PKP2: variants seen among roughly 807,000 people sequenced by gnomAD.
The protein encoded by PKP2 is plakophilin 2, also known as plakophilin-2.
A neutral mutation model predicts 83.4 loss-of-function variants in PKP2; 73 were observed. That is an observed-to-expected ratio of 0.88 (90% CI 0.72 to 1.06). The LOEUF (loss-of-function observed/expected upper bound fraction) is 1.06. PKP2 is among the 50% of genes least tolerant of loss of function. The probability of loss-of-function intolerance (pLI) is 0.00; values close to 1 mark genes in which losing one functional copy is unlikely to be tolerated. For missense variants in PKP2, 966 were observed against 1,065.4 expected, an observed-to-expected ratio of 0.91 and a Z score of 1.30; for synonymous variants, 409 against 430.4, an observed-to-expected ratio of 0.95 and a Z score of 0.62.
chr12:32,818,593 C>G (rs966514987), intron 9 of PKP2, among the ~76,000 whole-genome samples: 3 of 152,068 alleles, frequency 2.0e-5, no homozygotes, highest in African/African-American at 4.8e-5. Context: ...TTATTCCATC[C>G]TTTTGCTACT....
intron 4 of PKP2, among the ~76,000 whole-genome samples, 194 bp downstream of exon 4, chr12:32,868,733 A>G (rs1482748946): frequency 6.6e-6 from 1 of 151,816 alleles, no homozygotes; most frequent in African/African-American, 2.4e-5. Context: ...CATGTTGGCC[A>G]GGTTGGCCTC....
chr12:32,870,500 G>A (rs1341298972), intron 3 of PKP2, among the ~76,000 whole-genome samples: 2 of 150,078 alleles, frequency 1.3e-5, no homozygotes, highest in Non-Finnish European at 3.0e-5. Context: ...TGTGCCTCAT[G>A]AGTCAATTAT....
chr12:32,861,703 C>T (rs1956799648), intron 4 of PKP2, among the ~76,000 whole-genome samples: 1 of 151,986 alleles, frequency 6.6e-6, no homozygotes, highest in Non-Finnish European at 1.5e-5. Flanking sequence ...CTCCCAAGCA[C>T]AAAAAACTAA....
chr12:32,817,848 C>A (rs1355752111), intron 9 of PKP2, among the ~76,000 whole-genome samples: 1 of 152,190 alleles, frequency 6.6e-6, no homozygotes, highest in Non-Finnish European at 1.5e-5. Context: ...TAGGAACCCG[C>A]CGCACAGCAG....
At chr12:32,859,885 G>A (rs1956783496) in intron 4 of PKP2, among the ~76,000 whole-genome samples, 1 of 152,184 alleles carries the variant, frequency 6.6e-6, no homozygotes, top group Admixed American at 6.5e-5. Flanking sequence ...CCTTGTGGTA[G>A]TAATGGTACA....
intron 1 of PKP2, among the ~76,000 whole-genome samples, chr12:32,883,466 T>G (rs566730532): frequency 6.6e-6 from 1 of 152,326 alleles, no homozygotes; most frequent in East Asian, 1.9e-4. Context: ...GTTCAGAGAA[T>G]AAGATGATAT....
chr12:32,821,449 C>T lies in PKP2; in HGVS notation c.1920G>A (p.Arg640=), dbSNP rs760660042. The T allele has an allele frequency of 1.2e-6, 2 of 1,614,042 alleles. No individual in the cohort carries two copies. Among genetic ancestry groups the T allele is most frequent in the South Asian group, 2.2e-5 (2 of 91,068 alleles). The change falls in exon 9 of 13, where the codon AGG becomes AGA. Residue 640 remains arginine (R), a synonymous_variant. Coordinates refer to ENST00000340811, the MANE Select transcript of PKP2 (RefSeq NM_001005242.3). ...TTTTGGCGATCAAGGACAGATACAT[C>T]CTTATAACAATGGAATGCCACAGCC... ...VEWLWHSIVI[R]MYLSLIAKSV...
intron 1 of PKP2, among the ~76,000 whole-genome samples, chr12:32,879,831 C>CAA (rs79905789): frequency 1.9e-4 from 10 of 53,982 alleles, no homozygotes; most frequent in Middle Eastern, 0.012. Context: ...AACTCTGTCT[C>CAA]AAAAAAAAAA....
At chr12:32,869,840 T>C (rs1230889553) in intron 3 of PKP2, among the ~76,000 whole-genome samples, 1 of 152,054 alleles carries the variant, frequency 6.6e-6, no homozygotes, top group East Asian at 1.9e-4. Flanking sequence ...GGCAACATAG[T>C]GAGACCCTGT....
intron 1 of PKP2, among the ~76,000 whole-genome samples, chr12:32,892,823 G>GA (rs1408976330): frequency 1.6e-5 from 2 of 122,262 alleles, no homozygotes; most frequent in Non-Finnish European, 3.6e-5. Context: ...GGGGGCGGGG[G>GA]GGGGGGGAGA....
chr12:32,808,246 TTGTCTGCC>T (rs1392097508), intron 9 of PKP2, among the ~76,000 whole-genome samples: 2 of 152,180 alleles, frequency 1.3e-5, no homozygotes, highest in Non-Finnish European at 2.9e-5. Flanking sequence ...TTCTCTATTC[TTGTCTGCC>T]TGTCTTATTT....
rs757205704 is a variant in PKP2 at position 32,802,553 on chromosome 12, G to A, written c.2017C>T (p.Pro673Ser). Residue 673 changes from proline (P) to serine (S), a missense_variant, in exon 10 of 13, where the codon CCG becomes TCG. Pro to Ser is a moderately conservative substitution (Grantham distance 74). Transcript: ENST00000340811. ...ACAACTGTCTGAGCCACTGATGTCG[G>A]CATCTGTTTTGTGAGACATATCCTA... ...QNLTAGSGPM[P>S]TSVAQTVVQK... The A allele has an allele frequency of 1.2e-5, 20 of 1,613,614 alleles. No individual in the cohort carries two copies. Among genetic ancestry groups the A allele is most frequent in the African/African-American group, 1.3e-5 (1 of 74,904 alleles).
intron 1 of PKP2, among the ~76,000 whole-genome samples, chr12:32,881,576 A>G (rs1956986537): frequency 6.6e-6 from 1 of 152,198 alleles, no homozygotes; most frequent in Non-Finnish European, 1.5e-5. Context: ...AGAGAAATCA[A>G]GGACACATTA....
chr12:32,802,274 CG>C, intron 10 of PKP2, 128 bp downstream of exon 10: 1 of 916,976 alleles, frequency 1.1e-6, no homozygotes, highest in Non-Finnish European at 1.8e-6. Flanking sequence ...AAAGGCAGGC[CG>C]GTTTATCACC....
chr12:32,888,678 A>T (rs2137984941), intron 1 of PKP2, among the ~76,000 whole-genome samples: 1 of 152,134 alleles, frequency 6.6e-6, no homozygotes, highest in Admixed American at 6.5e-5. Context: ...CTTTTAGTAG[A>T]GACAGGGTTT....
chr12:32,823,420 T>A (rs1592738244), intron 7 of PKP2, among the ~76,000 whole-genome samples: 4 of 35,648 alleles, frequency 1.1e-4, no homozygotes, highest in Middle Eastern at 0.025. Context: ...AGACTCTGCC[T>A]CCAAAAAAAA....
intron 1 of PKP2, among the ~76,000 whole-genome samples, chr12:32,883,899 G>A (rs1397232349): frequency 6.6e-6 from 1 of 152,178 alleles, no homozygotes; most frequent in Non-Finnish European, 1.5e-5. Context: ...TGGCATTTGA[G>A]GAAGCAGCAG....
intron 8 of PKP2, chr12:32,821,756 T>C: frequency 2.0e-6 from 1 of 507,374 alleles, no homozygotes; most frequent in Non-Finnish European, 3.5e-6. Context: ...TAACTTGATA[T>C]TTCTCCCAGT....
intron 1 of PKP2, among the ~76,000 whole-genome samples, chr12:32,884,612 G>C (rs776415268): frequency 4.6e-5 from 7 of 152,026 alleles, no homozygotes; most frequent in Non-Finnish European, 1.0e-4. Flanking sequence ...CTGGTGACGG[G>C]TAAGAAAAGA....
Sources: gnomAD v4.1 joint callset for allele counts (sites outside exome capture counted in the v4.1 genomes callset) on GRCh38, gnomAD v4.1.1 for gene constraint, MANE v1.5 for transcripts, NCBI Gene and HGNC (gene_info 2026-07-23, HGNC 2026-07-21) for gene names.